TENM3: variants seen among roughly 807,000 people sequenced by gnomAD.
The protein encoded by TENM3 is teneurin transmembrane protein 3.
Under a neutral mutation model 255.1 loss-of-function variants are expected in TENM3, and 63 were observed. The observed-to-expected ratio is 0.25, with a 90% CI of 0.20 to 0.30. TENM3 has a LOEUF of 0.30. Ranked by LOEUF, TENM3 falls within the 10% of genes least tolerant of loss-of-function variation. The probability of loss-of-function intolerance (pLI) is 1.00; values close to 1 mark genes in which losing one functional copy is unlikely to be tolerated. For synonymous variants in TENM3, 1,306 were observed against 1,322.3 expected, an observed-to-expected ratio of 0.99 and a Z score of 0.27; for missense variants, 2,929 against 3,461.1, an observed-to-expected ratio of 0.85 and a Z score of 3.86.
At chr4:182,786,572 A>G (rs1765674874) in intron 24 of TENM3, among the ~76,000 whole-genome samples, 1 of 151,742 alleles carries the variant, frequency 6.6e-6, no homozygotes, top group East Asian at 1.9e-4. Flanking sequence ...AAAAAAAAAA[A>G]AAGAAATCAG....
intron 4 of TENM3, among the ~76,000 whole-genome samples, chr4:182,612,041 G>A (rs1421243317): frequency 6.6e-6 from 1 of 152,052 alleles, no homozygotes; most frequent in Non-Finnish European, 1.5e-5. Context: ...GTCAAGGTGG[G>A]CAGATCACCT....
At chr4:182,104,802 C>T in the TENM3 span, among the ~76,000 whole-genome samples, 6 of 152,132 alleles carry the variant, frequency 3.9e-5, no homozygotes, top group Admixed American at 3.3e-4. Flanking sequence ...GGTGAGCCAC[C>T]GTGCCAGGAC....
At chr4:182,585,663 G>A (rs1745946681) in intron 3 of TENM3, among the ~76,000 whole-genome samples, 1 of 152,170 alleles carries the variant, frequency 6.6e-6, no homozygotes, top group Non-Finnish European at 1.5e-5. Flanking sequence ...TATTATTTAA[G>A]CCACCCAGTC....
chr4:182,062,817 T>A, the TENM3 span, among the ~76,000 whole-genome samples: 1 of 152,236 alleles, frequency 6.6e-6, no homozygotes, highest in Non-Finnish European at 1.5e-5. Flanking sequence ...GTATGAACTC[T>A]GTGAAAGGAA....
the TENM3 span, among the ~76,000 whole-genome samples, chr4:181,691,421 C>G: frequency 3.3e-5 from 5 of 152,046 alleles, no homozygotes; most frequent in Non-Finnish European, 7.4e-5. Context: ...TTTTCTGTAA[C>G]AGAACTACAG....
At chr4:182,131,011 G>T in the TENM3 span, among the ~76,000 whole-genome samples, 1 of 152,126 alleles carries the variant, frequency 6.6e-6, no homozygotes, top group Non-Finnish European at 1.5e-5. Context: ...AGTTCAGTTT[G>T]TTGGTGATAA....
chr4:182,538,777 A>C (rs1336230328), intron 3 of TENM3, among the ~76,000 whole-genome samples: 1 of 152,114 alleles, frequency 6.6e-6, no homozygotes, highest in African/African-American at 2.4e-5. Context: ...AAAGCAAAGG[A>C]AAAGGAGGTT....
chr4:182,326,504 T>A lies in TENM3; in HGVS notation c.232+2252T>A, dbSNP rs150703450. ...CAGTAAAATATCACCCTTTGATTTA[T>A]TGCAGTCAATTTTTTAAGTCTATTA... On this transcript the variant is annotated intron_variant, in intron 2 of 27. Transcript: ENST00000511685. Among the ~76,000 whole-genome samples the A allele has an allele frequency of 2.3e-3, 322 of 139,730 alleles. 2 individuals are homozygous for A. Among genetic ancestry groups the A allele is most frequent in the African/African-American group, 8.5e-3 (315 of 37,144 alleles). 91.7% of individuals were successfully genotyped at this position (139,730 alleles called of 152,430 possible).
intron 3 of TENM3, among the ~76,000 whole-genome samples, chr4:182,431,763 A>G (rs991180728): frequency 4.6e-5 from 7 of 152,052 alleles, no homozygotes; most frequent in Admixed American, 6.5e-5. Flanking sequence ...ACTGGACATC[A>G]TGGTGTAATA....
chr4:182,302,823 T>C (rs769166519), intron 1 of TENM3, among the ~76,000 whole-genome samples: 3 of 152,184 alleles, frequency 2.0e-5, no homozygotes, highest in Non-Finnish European at 4.4e-5. Flanking sequence ...CAGGCTTCTG[T>C]CATTAAGAAC....
chr4:182,775,225 G>C, intron 24 of TENM3, 72 bp downstream of exon 24: 1 of 1,358,942 alleles, frequency 7.4e-7, no homozygotes. Context: ...AGGGCAGGTT[G>C]CGTCTCCTGC....
intron 1 of TENM3, among the ~76,000 whole-genome samples, chr4:182,267,835 G>C (rs962787368): frequency 6.6e-6 from 1 of 152,138 alleles, no homozygotes; most frequent in East Asian, 1.9e-4. Flanking sequence ...AATAAAAATG[G>C]GAAACCAGAA....
intron 19 of TENM3, among the ~76,000 whole-genome samples, chr4:182,748,092 C>A (rs1019103039): frequency 5.3e-5 from 8 of 152,170 alleles, no homozygotes; most frequent in African/African-American, 1.9e-4. Context: ...CCTGCACTTA[C>A]CACTGGATCT....
chr4:182,419,065 A>T (rs1454391115), intron 3 of TENM3, among the ~76,000 whole-genome samples: 11 of 152,234 alleles, frequency 7.2e-5, no homozygotes, highest in Non-Finnish European at 1.5e-5. Flanking sequence ...AAGACATTCT[A>T]TATATGAAAT....
chr4:181,584,897 A>G, the TENM3 span, among the ~76,000 whole-genome samples: 4 of 151,566 alleles, frequency 2.6e-5, no homozygotes, highest in Admixed American at 2.6e-4. Context: ...CGCTTTTGGC[A>G]CTGTTATTAG....
the TENM3 span, among the ~76,000 whole-genome samples, chr4:181,916,936 C>G: frequency 6.6e-6 from 1 of 152,040 alleles, no homozygotes; most frequent in Non-Finnish European, 1.5e-5. Flanking sequence ...TGGATTATGT[C>G]TAAGTAACTT....
the TENM3 span, among the ~76,000 whole-genome samples, chr4:181,541,008 T>C: frequency 6.6e-6 from 1 of 152,304 alleles, no homozygotes; most frequent in East Asian, 1.9e-4. Context: ...GAAAGTGTTA[T>C]TTTAAATGTT....
the TENM3 span, among the ~76,000 whole-genome samples, chr4:181,894,707 A>C: frequency 4.0e-5 from 6 of 151,348 alleles, no homozygotes. Context: ...GGCTTTGCCA[A>C]GTCAACGGTC....
intron 3 of TENM3, among the ~76,000 whole-genome samples, chr4:182,385,573 T>G (rs547329819): frequency 2.0e-5 from 3 of 152,308 alleles, no homozygotes; most frequent in African/African-American, 4.8e-5. Context: ...CCAGTGCATC[T>G]TCTAAAGATA....
Sources: gnomAD v4.1 joint callset for allele counts (sites outside exome capture counted in the v4.1 genomes callset) on GRCh38, gnomAD v4.1.1 for gene constraint, MANE v1.5 for transcripts, NCBI Gene and HGNC (gene_info 2026-07-23, HGNC 2026-07-21) for gene names.